ITGAE: variants seen among roughly 807,000 people sequenced by gnomAD.
ITGAE encodes the protein integrin subunit alpha E.
In ITGAE, 99 loss-of-function variants were observed where a neutral mutation model predicts 136.5. That is an observed-to-expected ratio of 0.73 (90% CI 0.62 to 0.86). The LOEUF is 0.86. Ranked by LOEUF, ITGAE falls within the 40% of genes least tolerant of loss-of-function variation. The pLI is 0.00. For missense variants in ITGAE, 1,447 were observed against 1,515.3 expected, an observed-to-expected ratio of 0.95 and a Z score of 0.75; for synonymous variants, 613 against 591.8, an observed-to-expected ratio of 1.04 and a Z score of -0.52.
intron 1 of ITGAE, among the ~76,000 whole-genome samples, chr17:3,779,941 T>C (rs572148603): frequency 2.6e-5 from 4 of 152,116 alleles, no homozygotes; most frequent in Non-Finnish European, 5.9e-5. Context: ...TTTTCATCCT[T>C]GTTTTAAGAG....
chr17:3,751,508 G>A, intron 15 of ITGAE, 142 bp downstream of exon 15: 1 of 705,872 alleles, frequency 1.4e-6, no homozygotes. Flanking sequence ...CTAGCCTGGG[G>A]GACTTCTTTC....
chr17:3,773,363 C>T (rs144474296), intron 2 of ITGAE, among the ~76,000 whole-genome samples: 119 of 152,114 alleles, frequency 7.8e-4, no homozygotes, highest in Middle Eastern at 3.4e-3. Flanking sequence ...TGGTGGCAGG[C>T]GCCTGTAATC....
At chr17:3,732,290 A>G (rs2051362453) in intron 22 of ITGAE, 78 bp downstream of exon 22, 4 of 1,065,930 alleles carry the variant, frequency 3.8e-6, no homozygotes, top group African/African-American at 1.6e-5. Flanking sequence ...TGGAACCGAG[A>G]GATTGAGATG....
At chr17:3,769,200 C>T (rs183454810) in intron 2 of ITGAE, among the ~76,000 whole-genome samples, 3 of 152,152 alleles carry the variant, frequency 2.0e-5, no homozygotes, top group African/African-American at 4.8e-5. Context: ...GTCCTCTGCC[C>T]GGACTGTTTC....
intron 20 of ITGAE, among the ~76,000 whole-genome samples, chr17:3,738,527 T>C (rs1191348481): frequency 2.0e-5 from 3 of 152,170 alleles, no homozygotes; most frequent in East Asian, 3.8e-4. Context: ...TTGGCAACAC[T>C]GTCATTCTGG....
chr17:3,738,507 A>G (rs558191453), intron 20 of ITGAE, among the ~76,000 whole-genome samples: 35 of 151,930 alleles, frequency 2.3e-4, no homozygotes, highest in African/African-American at 8.2e-4. Flanking sequence ...CTAAACCCAC[A>G]CTCATGTGCT....
At chr17:3,757,220 T>A in intron 9 of ITGAE, 86 bp from the exon 10 acceptor site, 2 of 1,476,532 alleles carry the variant, frequency 1.4e-6, no homozygotes, top group South Asian at 2.5e-5. Flanking sequence ...ATCTGGCCTC[T>A]GGGGCCCTCC....
At chr17:3,735,836 C>G (rs751000316) in intron 20 of ITGAE, among the ~76,000 whole-genome samples, 2 of 152,136 alleles carry the variant, frequency 1.3e-5, no homozygotes, top group Non-Finnish European at 2.9e-5. Context: ...AGTACAGCTA[C>G]TCTCCATTTT....
At chr17:3,769,473 G>A (rs2052371069) in intron 2 of ITGAE, among the ~76,000 whole-genome samples, 1 of 152,172 alleles carries the variant, frequency 6.6e-6, no homozygotes, top group Non-Finnish European at 1.5e-5. Context: ...GGCCCTCTGA[G>A]CTGCCTCTGC....
chr17:3,765,236 C>G (rs977556804), intron 2 of ITGAE, among the ~76,000 whole-genome samples: 4 of 149,670 alleles, frequency 2.7e-5, no homozygotes, highest in African/African-American at 9.9e-5. Context: ...GTAGTCCCAG[C>G]TACTCGGGAG....
chr17:3,755,022 C>T (rs1443655462), intron 12 of ITGAE, 95 bp downstream of exon 12: 4 of 1,345,064 alleles, frequency 3.0e-6, no homozygotes, highest in East Asian at 2.8e-5. Flanking sequence ...CCCGCCCTCG[C>T]CCACGTAGCC....
chr17:3,743,356 G>T, intron 19 of ITGAE, 133 bp downstream of exon 19: 3 of 1,014,472 alleles, frequency 3.0e-6, no homozygotes, highest in Non-Finnish European at 2.9e-6. Flanking sequence ...TTCACCATGA[G>T]TACGGTGAGG....
At chr17:3,777,827 A>G (rs2052579746) in intron 1 of ITGAE, among the ~76,000 whole-genome samples, 167 bp from the exon 2 acceptor site, 1 of 152,166 alleles carries the variant, frequency 6.6e-6, no homozygotes, top group Non-Finnish European at 1.5e-5. Context: ...TATCTGACCC[A>G]GAGCCTCTGA....
chr17:3,789,711 G>C (rs2052893769), intron 1 of ITGAE, among the ~76,000 whole-genome samples: 3 of 152,052 alleles, frequency 2.0e-5, no homozygotes, highest in Admixed American at 2.0e-4. Context: ...CTGTTGGCCA[G>C]GCTGGTCTTG....
intron 24 of ITGAE, among the ~76,000 whole-genome samples, chr17:3,728,824 G>GAGTTCAAGACCAGCCTGGCCA (rs1427360628): frequency 8.0e-5 from 12 of 150,912 alleles, no homozygotes; most frequent in Admixed American, 2.0e-4. Flanking sequence ...CTGAGGCCAG[G>GAGTTCAAGACCAGCCTGGCCA]AGTTCAAGAC....
At chr17:3,749,316 G>A (rs990525808) in intron 16 of ITGAE, among the ~76,000 whole-genome samples, 7 of 151,630 alleles carry the variant, frequency 4.6e-5, no homozygotes, top group African/African-American at 7.3e-5. Flanking sequence ...GTGCAGTGGC[G>A]CGATCTCCGC....
chr17:3,782,789 CCTTT>C (rs1961312553), intron 1 of ITGAE, among the ~76,000 whole-genome samples: 1 of 152,162 alleles, frequency 6.6e-6, no homozygotes. Context: ...TGGCAACACT[CCTTT>C]TTTTGGTTTA....
At chr17:3,793,349 C>T (rs1381616152) in intron 1 of ITGAE, among the ~76,000 whole-genome samples, 1 of 151,718 alleles carries the variant, frequency 6.6e-6, no homozygotes, top group East Asian at 1.9e-4. Flanking sequence ...TCATGCCCGG[C>T]CTTTTTTTCT....
chr17:3,726,001 C>A, intron 26 of ITGAE: 2 of 1,613,958 alleles, frequency 1.2e-6, no homozygotes, highest in Non-Finnish European at 8.5e-7. Flanking sequence ...ATTGACTACA[C>A]CCTGTCGCGC....
Sources: gnomAD v4.1 joint callset for allele counts (sites outside exome capture counted in the v4.1 genomes callset) on GRCh38, gnomAD v4.1.1 for gene constraint, MANE v1.5 for transcripts, NCBI Gene and HGNC (gene_info 2026-07-23, HGNC 2026-07-21) for gene names.